The following ENTHD1 variants were observed in gnomAD, a reference collection of about 807,000 sequenced individuals.
ENTHD1 encodes ENTH domain-containing protein 1.
In ENTHD1, 23 loss-of-function variants were observed where a neutral mutation model predicts 39.1. The observed-to-expected ratio is 0.59, with a 90% CI of 0.42 to 0.83. The LOEUF (loss-of-function observed/expected upper bound fraction) is 0.83, where lower values mean the gene tolerates loss of function less well. Ranked by LOEUF, ENTHD1 falls within the 40% of genes least tolerant of loss-of-function variation. ENTHD1 has a pLI of 0.00. For synonymous variants in ENTHD1, 230 were observed against 258.2 expected (o/e 0.89, Z 1.05); for missense variants, 624 against 705.4 (o/e 0.88, Z 1.31).
intron 5 of ENTHD1, among the ~76,000 whole-genome samples, chr22:39,792,856 C>G (rs2065515800): frequency 6.6e-6 from 1 of 152,032 alleles, no homozygotes; most frequent in Non-Finnish European, 1.5e-5. Context: ...AGGTTGATTC[C>G]AAAGCTTTGC....
At chr22:39,847,001 C>T (rs1277770015) in intron 3 of ENTHD1, among the ~76,000 whole-genome samples, 2 of 152,042 alleles carry the variant, frequency 1.3e-5, no homozygotes, top group Non-Finnish European at 2.9e-5. Context: ...CCTCAGGGAT[C>T]TAGAACTAGA....
intron 6 of ENTHD1, among the ~76,000 whole-genome samples, chr22:39,754,558 A>G (rs2065170507): frequency 6.6e-6 from 1 of 152,244 alleles, no homozygotes; most frequent in Admixed American, 6.5e-5. Context: ...GGCTCAATAC[A>G]TCTTATTTAT....
chr22:39,788,806 G>A (rs1459631630), intron 5 of ENTHD1, among the ~76,000 whole-genome samples: 1 of 151,928 alleles, frequency 6.6e-6, no homozygotes, highest in Non-Finnish European at 1.5e-5. Context: ...TCCATCAGCA[G>A]CATCAACATG....
At chr22:39,759,446 G>T (rs898222237) in intron 6 of ENTHD1, among the ~76,000 whole-genome samples, 1 of 151,714 alleles carries the variant, frequency 6.6e-6, no homozygotes, top group African/African-American at 2.4e-5. Flanking sequence ...TAATCTATAG[G>T]TTTTTTAGTT....
At chr22:39,856,173 C>T (rs893824496) in intron 3 of ENTHD1, among the ~76,000 whole-genome samples, 1 of 150,270 alleles carries the variant, frequency 6.7e-6, no homozygotes, top group Non-Finnish European at 1.5e-5. Flanking sequence ...ACTGGGGAGG[C>T]TGAGGCAGGA....
chr22:39,744,460 G>A (rs1313769791), intron 6 of ENTHD1, among the ~76,000 whole-genome samples, 177 bp from the exon 7 acceptor site: 2 of 151,906 alleles, frequency 1.3e-5, no homozygotes, highest in African/African-American at 4.8e-5. Flanking sequence ...AGGAAACTAA[G>A]AAAATCTACA....
chr22:39,801,068 A>G (rs1320206005), intron 5 of ENTHD1, among the ~76,000 whole-genome samples: 1 of 152,246 alleles, frequency 6.6e-6, no homozygotes, highest in African/African-American at 2.4e-5. Context: ...ATGACAGTTA[A>G]GATATGATTA....
chr22:39,806,960 G>C (rs1172321686), intron 5 of ENTHD1, among the ~76,000 whole-genome samples: 1 of 152,176 alleles, frequency 6.6e-6, no homozygotes, highest in Non-Finnish European at 1.5e-5. Flanking sequence ...AGTGTACCAA[G>C]CTGGAACATC....
chr22:39,817,636 CTTTCTCTGTATTTGAA>C (rs1224277042), intron 5 of ENTHD1, among the ~76,000 whole-genome samples: 3 of 152,078 alleles, frequency 2.0e-5, no homozygotes, highest in Non-Finnish European at 4.4e-5. Flanking sequence ...GAGCTTTTGA[CTTTCTCTGTATTTGAA>C]TTTTTTTAAA....
chr22:39,773,270 C>T (rs1339435862), intron 5 of ENTHD1, among the ~76,000 whole-genome samples: 9 of 151,772 alleles, frequency 5.9e-5, no homozygotes, highest in African/African-American at 2.2e-4. Context: ...GAAGACTTAA[C>T]ATCAACCACC....
intron 5 of ENTHD1, among the ~76,000 whole-genome samples, chr22:39,776,183 A>C (rs1224778672): frequency 6.6e-6 from 1 of 152,136 alleles, no homozygotes; most frequent in Non-Finnish European, 1.5e-5. Context: ...ATGAGCCACC[A>C]CACCCAGCTA....
intron 5 of ENTHD1, among the ~76,000 whole-genome samples, chr22:39,818,653 G>A (rs1206443935): frequency 6.6e-6 from 1 of 152,144 alleles, no homozygotes; most frequent in Non-Finnish European, 1.5e-5. Flanking sequence ...TTTAAGCTGG[G>A]AAGTGAAATG....
chr22:39,887,830 C>T lies in ENTHD1; in HGVS notation c.-82G>A. The T allele has an allele frequency of 1.0e-6, 1 of 1,000,890 alleles. No homozygotes were observed. The highest frequency in any genetic ancestry group is 1.4e-6 in the Non-Finnish European group (1 of 690,074). The allele number at this position is 1,000,890 out of a possible 1,614,324, so 62.0% of individuals were successfully genotyped here. On this transcript the variant is annotated 5_prime_UTR_variant, in exon 2 of 7. Coordinates refer to ENST00000325157, the MANE Select transcript of ENTHD1 (RefSeq NM_152512.4). Reference sequence around the variant, plus strand: ...TGTCACGGGTTTATAAAACTCTTGACAGGTAATTGGTCCCCAGTTCTGCTG... The same window carrying T: ...TGTCACGGGTTTATAAAACTCTTGATAGGTAATTGGTCCCCAGTTCTGCTG...
intron 5 of ENTHD1, among the ~76,000 whole-genome samples, chr22:39,809,331 A>G (rs2065667924): frequency 6.6e-6 from 1 of 152,216 alleles, no homozygotes; most frequent in Non-Finnish European, 1.5e-5. Context: ...ACAAACACAT[A>G]GTTACACAGT....
At chr22:39,852,112 T>G (rs992641161) in intron 3 of ENTHD1, among the ~76,000 whole-genome samples, 2 of 151,780 alleles carry the variant, frequency 1.3e-5, no homozygotes, top group Non-Finnish European at 2.9e-5. Flanking sequence ...GCGAGCAGAT[T>G]GCTTAAGCCA....
intron 2 of ENTHD1, among the ~76,000 whole-genome samples, chr22:39,884,560 A>G (rs995204858): frequency 1.3e-5 from 2 of 152,144 alleles, no homozygotes; most frequent in Admixed American, 1.3e-4. Flanking sequence ...AGAAAAAAAA[A>G]AAAGCTTATG....
At chr22:39,762,943 G>T (rs950644117) in intron 6 of ENTHD1, among the ~76,000 whole-genome samples, 1 of 151,826 alleles carries the variant, frequency 6.6e-6, no homozygotes, top group Non-Finnish European at 1.5e-5. Flanking sequence ...ATCCTAGTAT[G>T]CTTGGTAACT....
chr22:39,887,883 TG>T lies in ENTHD1; in HGVS notation c.-136del. 1.7e-6 allele frequency: 1 copy of T among 604,540 alleles called. No individual in the cohort carries two copies. Among genetic ancestry groups the T allele is most frequent in the Non-Finnish European group, 2.7e-6 (1 of 370,520 alleles). The allele number at this position is 604,540 out of a possible 1,614,324, so 37.4% of individuals were successfully genotyped here. A position where few individuals can be genotyped will look rare whatever the true frequency, so the allele number is the denominator to read the frequency against. ...CCCAAATACAAATAATTAATCTCTA[TG>T]TTGATAAAGTATCAATTTCCTGCAA... On this transcript the variant is annotated 5_prime_UTR_variant, in exon 2 of 7. Transcript: ENST00000325157.
chr22:39,767,296 A>C (rs2065284555), intron 5 of ENTHD1, among the ~76,000 whole-genome samples: 1 of 152,204 alleles, frequency 6.6e-6, no homozygotes, highest in African/African-American at 2.4e-5. Context: ...CCTAATTTGC[A>C]TATGACTGAA....
Sources: gnomAD v4.1 joint callset for allele counts (sites outside exome capture counted in the v4.1 genomes callset) on GRCh38, gnomAD v4.1.1 for gene constraint, MANE v1.5 for transcripts, NCBI Gene and HGNC (gene_info 2026-07-23, HGNC 2026-07-21) for gene names.